Variants in GRB14 observed in about 807,000 individuals in gnomAD.
The protein encoded by GRB14 is growth factor receptor bound protein 14, also known as growth factor receptor-bound protein 14.
A neutral mutation model predicts 69.1 loss-of-function variants in GRB14; 38 were observed. That is an observed-to-expected ratio of 0.55 (90% confidence interval 0.42 to 0.72). The LOEUF (loss-of-function observed/expected upper bound fraction) is 0.72, where lower values mean the gene tolerates loss of function less well. Among genes scored for constraint, GRB14 ranks in the 30% least tolerant of loss-of-function variants. The pLI, the probability that GRB14 is intolerant of heterozygous loss-of-function variation, is 0.00. For synonymous variants in GRB14, 247 were observed against 241.3 expected, an observed-to-expected ratio of 1.02 and a Z score of -0.22; for missense variants, 666 against 666.1, an observed-to-expected ratio of 1.00 and a Z score of 0.00.
intron 2 of GRB14, among the ~76,000 whole-genome samples, chr2:164,572,690 C>T (rs1365026804): frequency 6.6e-6 from 1 of 152,132 alleles, no homozygotes; most frequent in Non-Finnish European, 1.5e-5. Flanking sequence ...CTACTGTCTC[C>T]TATGTGGATG....
rs978906516 is a variant in GRB14, at chr2:164,609,272, A to G, written c.324+10415T>C. ...AAAGCTGCCATGCCCAAGTTCTGACATTTCCTAGACAGCCCAGCACCTGTG... is the reference window on the plus strand; with the variant it reads ...AAAGCTGCCATGCCCAAGTTCTGACGTTTCCTAGACAGCCCAGCACCTGTG... On this transcript the variant is annotated intron_variant, in intron 2 of 13. Transcript: ENST00000263915. 2.6e-5 allele frequency among the ~76,000 whole-genome samples: 4 copies of G among 152,172 alleles called. No homozygotes were observed. The East Asian group carries it at 5.8e-4, about 22-fold the overall frequency.
At position 164,574,479 on chromosome 2, in the gene GRB14, G is replaced by T. The variant is rs185093607; in HGVS notation, c.325-26663C>A. ...TGGTCTCAATCTTTCGACCTGATCCGCCCACCTTGGCCTCCCAAAGTGCTG... is the reference window on the plus strand; with the variant it reads ...TGGTCTCAATCTTTCGACCTGATCCTCCCACCTTGGCCTCCCAAAGTGCTG... On this transcript the variant is annotated intron_variant, in intron 2 of 13. Transcript: ENST00000263915. 4.5e-3 allele frequency among the ~76,000 whole-genome samples: 689 copies of T among 151,936 alleles called. 5 individuals carry two copies. The highest frequency in any genetic ancestry group is 0.011 in the Admixed American group (161 of 15,274).
intron 3 of GRB14, among the ~76,000 whole-genome samples, chr2:164,543,801 G>C (rs1688297293): frequency 6.6e-6 from 1 of 152,126 alleles, no homozygotes; most frequent in Non-Finnish European, 1.5e-5. Flanking sequence ...AATAGATATT[G>C]CAAGATTATA....
intron 3 of GRB14, among the ~76,000 whole-genome samples, chr2:164,535,691 T>C (rs1022439979): frequency 6.6e-6 from 1 of 152,204 alleles, no homozygotes; most frequent in Non-Finnish European, 1.5e-5. Flanking sequence ...AAACAAAAAC[T>C]GGAGAAGCAA....
chr2:164,562,043 C>T (rs939830887), intron 2 of GRB14, among the ~76,000 whole-genome samples: 3 of 152,082 alleles, frequency 2.0e-5, no homozygotes, highest in African/African-American at 4.8e-5. Flanking sequence ...CTCAATCTTG[C>T]CTTTACAAAA....
intron 2 of GRB14, among the ~76,000 whole-genome samples, chr2:164,571,160 A>G (rs764922143): frequency 2.6e-5 from 4 of 152,180 alleles, no homozygotes; most frequent in Non-Finnish European, 2.9e-5. Context: ...TATTTTAGAC[A>G]CTGATTCCAA....
At chr2:164,592,084 T>A (rs1394276535) in intron 2 of GRB14, among the ~76,000 whole-genome samples, 1 of 152,138 alleles carries the variant, frequency 6.6e-6, no homozygotes, top group Non-Finnish European at 1.5e-5. Context: ...AGTGTGAATC[T>A]ATTAAACCTC....
rs1689182868 is a variant in GRB14, at chr2:164,573,976, T to C, written c.325-26160A>G. On this transcript the variant is annotated intron_variant, in intron 2 of 13. Coordinates refer to ENST00000263915, the MANE Select transcript of GRB14 (RefSeq NM_004490.3). Reference sequence around the variant, plus strand: ...TTGAAAAGACCAAAAGCCTTTCCTTTAGAAGCCAGATGTTGGCCATGAATA... The same window carrying C: ...TTGAAAAGACCAAAAGCCTTTCCTTCAGAAGCCAGATGTTGGCCATGAATA... 7 of 1,598,834 alleles carry C rather than the reference T, an allele frequency of 4.4e-6. No homozygotes were observed. The South Asian group carries it at 7.7e-5, about 18-fold the overall frequency.
At chr2:164,519,318 G>C (rs760633489) in intron 6 of GRB14, among the ~76,000 whole-genome samples, 2 of 151,986 alleles carry the variant, frequency 1.3e-5, no homozygotes, top group Non-Finnish European at 2.9e-5. Flanking sequence ...AACACTTTAT[G>C]ATAAAAAACT....
chr2:164,592,081 A>C (rs1291979114), intron 2 of GRB14, among the ~76,000 whole-genome samples: 1 of 151,696 alleles, frequency 6.6e-6, no homozygotes, highest in African/African-American at 2.4e-5. Context: ...GGAAGTGTGA[A>C]TCTATTAAAC....
chr2:164,492,993 A>T lies in GRB14; in HGVS notation c.*43T>A. The T allele has an allele frequency of 6.5e-7, 1 of 1,542,060 alleles. No homozygotes were observed. Among genetic ancestry groups the T allele is most frequent in the Non-Finnish European group, 8.8e-7 (1 of 1,139,334 alleles). On this transcript the variant is annotated 3_prime_UTR_variant, in exon 14 of 14. Transcript: ENST00000263915. ...TTATGGTCTTTTATTATTTTTCTTGAGTCCTTTTCCTTCAATAGTTTAATA... is the reference window on the plus strand; with the variant it reads ...TTATGGTCTTTTATTATTTTTCTTGTGTCCTTTTCCTTCAATAGTTTAATA...
chr2:164,594,884 G>A (rs1689748233), intron 2 of GRB14, among the ~76,000 whole-genome samples: 2 of 152,126 alleles, frequency 1.3e-5, no homozygotes, highest in African/African-American at 4.8e-5. Context: ...GTTCTTCAAG[G>A]TCAGACTTTA....
intron 2 of GRB14, among the ~76,000 whole-genome samples, chr2:164,559,523 T>G (rs1396872522): frequency 6.6e-6 from 1 of 152,154 alleles, no homozygotes; most frequent in Non-Finnish European, 1.5e-5. Context: ...TCTCACATAT[T>G]AGTGAGAACA....
rs10557491 is a variant in GRB14 at position 164,549,863 on chromosome 2, A to AAAAATAAAATAAAAT, written c.325-2062_325-2048dup. Among the ~76,000 whole-genome samples the AAAAATAAAATAAAAT allele has an allele frequency of 4.7e-3, 513 of 110,064 alleles. 5 individuals are homozygous for AAAAATAAAATAAAAT. Among genetic ancestry groups the AAAAATAAAATAAAAT allele is most frequent in the African/African-American group, 0.014 (428 of 29,550 alleles). The allele number at this position is 110,064 out of a possible 152,430, so 72.2% of individuals were successfully genotyped here. On this transcript the variant is annotated intron_variant, in intron 2 of 13. Coordinates refer to ENST00000263915, the MANE Select transcript of GRB14 (RefSeq NM_004490.3). ...TAGGTGACAGAGTGAGACTCCATCT[A>AAAAATAAAATAAAAT]AAAATAAAATAAAATAAAATAAAAT...
chr2:164,527,153 A>G lies in GRB14; in HGVS notation c.482-18T>C, dbSNP rs990631605. 1 of 1,287,900 alleles carries G rather than the reference A, an allele frequency of 7.8e-7. No homozygotes were observed. The highest frequency in any genetic ancestry group is 1.1e-6 in the Non-Finnish European group (1 of 928,166). The allele number at this position is 1,287,900 out of a possible 1,614,324, so 79.8% of individuals were successfully genotyped here. A position where few individuals can be genotyped will look rare whatever the true frequency, so the allele number is the denominator to read the frequency against. ...TGTTCTTTCTGTAAAGAATGTTTCA[A>G]TGAGTATGTTGACAGATAGACAAAT... is the stretch of plus-strand genomic sequence containing the variant. On this transcript the variant is annotated intron_variant, in intron 3 of 13. Coordinates refer to ENST00000263915, the MANE Select transcript of GRB14 (RefSeq NM_004490.3).
At chr2:164,551,968 T>TA (rs1688551363) in intron 2 of GRB14, among the ~76,000 whole-genome samples, 1 of 152,146 alleles carries the variant, frequency 6.6e-6, no homozygotes, top group African/African-American at 2.4e-5. Flanking sequence ...TCAGGATGCT[T>TA]ACAGTCATGT....
At chr2:164,556,433 A>C (rs975613802) in intron 2 of GRB14, among the ~76,000 whole-genome samples, 1 of 152,232 alleles carries the variant, frequency 6.6e-6, no homozygotes, top group Admixed American at 6.5e-5. Context: ...TACTTAAAAC[A>C]GATACTGTCA....
At chr2:164,579,906 AT>A (rs1463748504) in intron 2 of GRB14, among the ~76,000 whole-genome samples, 1 of 152,104 alleles carries the variant, frequency 6.6e-6, no homozygotes, top group East Asian at 1.9e-4. Context: ...CATTCTTATA[AT>A]TTTTATAATT....
chr2:164,509,688 T>C (rs760194672), intron 6 of GRB14, among the ~76,000 whole-genome samples: 3 of 151,090 alleles, frequency 2.0e-5, no homozygotes, highest in Non-Finnish European at 4.4e-5. Flanking sequence ...GGGAGCTTGT[T>C]AGCAATGCAA....
Sources: allele counts gnomAD v4.1 joint callset (sites outside exome capture counted in the v4.1 genomes callset), GRCh38; gene constraint gnomAD v4.1.1; transcripts MANE v1.5; gene names NCBI Gene and HGNC (gene_info 2026-07-23, HGNC 2026-07-21).